CTNNA3: variants seen among roughly 807,000 people sequenced by gnomAD.
CTNNA3 encodes the protein catenin alpha-3.
A neutral mutation model predicts 95.7 loss-of-function variants in CTNNA3; 76 were observed. The ratio of observed to expected loss-of-function variants is 0.79; its 90% confidence interval spans 0.66 to 0.96. The LOEUF (loss-of-function observed/expected upper bound fraction) is 0.96. CTNNA3 is among the 40% of genes least tolerant of loss of function. CTNNA3 has a pLI of 0.00. For missense variants in CTNNA3, 1,191 were observed against 1,089.8 expected, an observed-to-expected ratio of 1.09 and a Z score of -1.31; for synonymous variants, 431 against 374.4, an observed-to-expected ratio of 1.15 and a Z score of -1.74.
chr10:66,514,359 C>T (rs12254588), intron 11 of CTNNA3, among the ~76,000 whole-genome samples: 4,830 of 151,892 alleles, frequency 0.032, 251 homozygotes, highest in African/African-American at 0.11. Context: ...CTTGAACTGG[C>T]GTAGTAGCAG....
chr10:66,541,852 T>A (rs1841863399), intron 10 of CTNNA3, among the ~76,000 whole-genome samples: 1 of 152,102 alleles, frequency 6.6e-6, no homozygotes, highest in Non-Finnish European at 1.5e-5. Context: ...CTTCCATATG[T>A]CTGTAAAGTG....
intron 5 of CTNNA3, among the ~76,000 whole-genome samples, chr10:67,282,300 G>A (rs1839431702): frequency 6.6e-6 from 1 of 152,090 alleles, no homozygotes; most frequent in Non-Finnish European, 1.5e-5. Context: ...CCTAGCTGTG[G>A]AGAGAGATTC....
At chr10:67,616,558 T>C (rs2133400056) in intron 2 of CTNNA3, among the ~76,000 whole-genome samples, 2 of 152,240 alleles carry the variant, frequency 1.3e-5, no homozygotes, top group Middle Eastern at 6.8e-3. Flanking sequence ...TGCTGACAGA[T>C]TGAATATGGG....
chr10:67,420,040 C>CG (rs1564637650), intron 5 of CTNNA3, among the ~76,000 whole-genome samples: 1 of 152,026 alleles, frequency 6.6e-6, no homozygotes, highest in East Asian at 1.9e-4. Flanking sequence ...TTAATAGAGA[C>CG]GGGGTTTCAC....
At chr10:67,368,070 C>CA (rs200434562) in intron 5 of CTNNA3, among the ~76,000 whole-genome samples, 1,587 of 150,844 alleles carry the variant, frequency 0.011, 25 homozygotes, top group African/African-American at 0.036. Context: ...TACAGAGCTC[C>CA]AAAAAAAATG....
intron 4 of CTNNA3, among the ~76,000 whole-genome samples, chr10:67,532,862 C>T (rs1295855127): frequency 1.3e-5 from 2 of 152,142 alleles, no homozygotes; most frequent in Admixed American, 6.6e-5. Flanking sequence ...AACCAAAGCT[C>T]GCAGATTTTT....
chr10:66,950,135 T>C (rs532810786), intron 7 of CTNNA3, among the ~76,000 whole-genome samples: 2 of 152,320 alleles, frequency 1.3e-5, no homozygotes, highest in South Asian at 4.1e-4. Context: ...TTCTTCTGCC[T>C]GGAACATTGC....
At chr10:66,256,352 A>T (rs753270893) in intron 13 of CTNNA3, among the ~76,000 whole-genome samples, 42 of 152,222 alleles carry the variant, frequency 2.8e-4, no homozygotes, top group Non-Finnish European at 5.1e-4. Flanking sequence ...TTAGAGGAAG[A>T]CCCACAAACT....
chr10:66,700,984 A>G (rs953075987), intron 9 of CTNNA3, among the ~76,000 whole-genome samples: 2 of 152,016 alleles, frequency 1.3e-5, no homozygotes, highest in African/African-American at 4.8e-5. Context: ...TAACAGCTTT[A>G]TTGAGTTAAA....
At chr10:67,562,810 T>C (rs1841573446) in intron 3 of CTNNA3, among the ~76,000 whole-genome samples, 1 of 152,076 alleles carries the variant, frequency 6.6e-6, no homozygotes, top group African/African-American at 2.4e-5. Flanking sequence ...ACAAAATCAA[T>C]GTGCAAAAGT....
At chr10:66,207,127 A>G (rs2087812169) in intron 13 of CTNNA3, among the ~76,000 whole-genome samples, 2 of 149,042 alleles carry the variant, frequency 1.3e-5, no homozygotes, top group Non-Finnish European at 3.0e-5. Flanking sequence ...CTAACTAAGG[A>G]AGAAAAAGAA....
At chr10:67,449,769 A>T (rs187617277) in intron 5 of CTNNA3, among the ~76,000 whole-genome samples, 3 of 152,308 alleles carry the variant, frequency 2.0e-5, no homozygotes, top group Admixed American at 2.0e-4. Context: ...CATGACGAAG[A>T]TGCCTAAAGC....
At chr10:66,393,658 C>G (rs146120315) in intron 11 of CTNNA3, among the ~76,000 whole-genome samples, 4 of 152,176 alleles carry the variant, frequency 2.6e-5, no homozygotes, top group Non-Finnish European at 4.4e-5. Context: ...TTCTGGTTGT[C>G]AACTGGTTTC....
intron 2 of CTNNA3, among the ~76,000 whole-genome samples, chr10:67,633,359 C>T (rs1012186743): frequency 2.0e-5 from 3 of 152,280 alleles, no homozygotes; most frequent in South Asian, 4.1e-4. Context: ...CCTCACTCCC[C>T]GCCCCAACGC....
intron 3 of CTNNA3, among the ~76,000 whole-genome samples, chr10:67,552,551 T>C (rs1273731022): frequency 6.6e-6 from 1 of 151,522 alleles, no homozygotes; most frequent in Non-Finnish European, 1.5e-5. Context: ...GACTGGGGAG[T>C]GGCAGGCCAG....
intron 10 of CTNNA3, among the ~76,000 whole-genome samples, chr10:66,616,071 A>G (rs1287527202): frequency 6.6e-6 from 1 of 152,028 alleles, no homozygotes; most frequent in Non-Finnish European, 1.5e-5. Flanking sequence ...GTTGAGTATA[A>G]CTGTTCACAC....
chr10:67,560,030 T>A (rs906593874), intron 3 of CTNNA3, among the ~76,000 whole-genome samples: 4 of 152,170 alleles, frequency 2.6e-5, no homozygotes, highest in Non-Finnish European at 5.9e-5. Context: ...CTGAAAGTGA[T>A]GGGGAGAATG....
chr10:67,163,034 T>A (rs1861615312), intron 7 of CTNNA3, among the ~76,000 whole-genome samples: 1 of 152,004 alleles, frequency 6.6e-6, no homozygotes, highest in African/African-American at 2.4e-5. Flanking sequence ...CAGATGGTTT[T>A]CTTGGAGAAC....
intron 9 of CTNNA3, among the ~76,000 whole-genome samples, chr10:66,762,767 A>G (rs1004429364): frequency 9.9e-5 from 15 of 152,074 alleles, no homozygotes; most frequent in Admixed American, 9.2e-4. Context: ...ACTTTTTACT[A>G]TCTTTTTGTA....
Sources: allele counts gnomAD v4.1 joint callset (sites outside exome capture counted in the v4.1 genomes callset), GRCh38; gene constraint gnomAD v4.1.1; transcripts MANE v1.5; gene names NCBI Gene and HGNC (gene_info 2026-07-23, HGNC 2026-07-21).